ZFR: variants seen among roughly 807,000 people sequenced by gnomAD.
ZFR encodes zinc finger RNA binding protein.
A neutral mutation model predicts 130.7 loss-of-function variants in ZFR; 19 were observed. That is an observed-to-expected ratio of 0.15 (90% CI 0.10 to 0.21). The LOEUF is 0.21. ZFR is among the 10% of genes least tolerant of loss of function. The pLI is 1.00. For synonymous variants in ZFR, 466 were observed against 456.9 expected (o/e 1.02, Z -0.25); for missense variants, 872 against 1,321.5 (o/e 0.66, Z 5.27).
At chr5:32,390,546 G>A (rs765100599) in intron 11 of ZFR, 109 bp from the exon 12 acceptor site, 50 of 1,101,886 alleles carry the variant, frequency 4.5e-5, no homozygotes, top group Non-Finnish European at 6.0e-5. Flanking sequence ...CATCAGCCTA[G>A]CTAAAATTTC....
intron 4 of ZFR, among the ~76,000 whole-genome samples, chr5:32,415,838 C>T (rs372449037): frequency 6.6e-6 from 1 of 152,112 alleles, no homozygotes; most frequent in Non-Finnish European, 1.5e-5. Flanking sequence ...GTCTTAGAAG[C>T]CTTATGACTA....
At chr5:32,425,840 T>C (rs899303948) in intron 2 of ZFR, among the ~76,000 whole-genome samples, 2 of 152,330 alleles carry the variant, frequency 1.3e-5, no homozygotes, top group Non-Finnish European at 2.9e-5. Flanking sequence ...TCTAATATAG[T>C]AAATACCAAT....
At chr5:32,372,354 T>C (rs1752690777) in intron 17 of ZFR, among the ~76,000 whole-genome samples, 1 of 152,128 alleles carries the variant, frequency 6.6e-6, no homozygotes, top group Admixed American at 6.6e-5. Flanking sequence ...GTAACAAACA[T>C]ACTACTCTAG....
intron 2 of ZFR, among the ~76,000 whole-genome samples, chr5:32,442,298 G>C (rs932916351): frequency 6.6e-6 from 1 of 152,162 alleles, no homozygotes; most frequent in Admixed American, 6.5e-5. Context: ...CACAGATGCT[G>C]ATTAGCTATC....
rs377291300 is a variant in ZFR, at chr5:32,403,088, G to A, written c.1516+18C>T. Reference sequence around the variant, plus strand: ...CACTTTGACAGAGTCAGCAGGGACAGAGAATATCAGTACTTGCCAACAAAA... The same window carrying A: ...CACTTTGACAGAGTCAGCAGGGACAAAGAATATCAGTACTTGCCAACAAAA... On this transcript the variant is annotated intron_variant, in intron 8 of 19. Transcript: ENST00000265069. 4.3e-6 allele frequency: 7 copies of A among 1,609,310 alleles called. No individual in the cohort carries two copies. The highest frequency in any genetic ancestry group is 2.7e-5 in the African/African-American group (2 of 74,922).
At chr5:32,364,302 T>C in intron 17 of ZFR, 27 bp from the exon 18 acceptor site, 1 of 1,522,284 alleles carries the variant, frequency 6.6e-7, no homozygotes, top group Non-Finnish European at 8.9e-7. Context: ...AAAATGTGTT[T>C]AACAGCTTAC....
chr5:32,438,892 G>A (rs1388636843), intron 2 of ZFR, among the ~76,000 whole-genome samples: 3 of 152,222 alleles, frequency 2.0e-5, no homozygotes, highest in Middle Eastern at 3.2e-3. Context: ...CTCAAGGCAA[G>A]TCAGGTGAGG....
chr5:32,395,009 G>A lies in ZFR; in HGVS notation c.1979+150C>T, dbSNP rs1032957939. On this transcript the variant is annotated intron_variant, in intron 11 of 19. Transcript: ENST00000265069. Reference sequence around the variant, plus strand: ...ATAGCCAGTAACAATTTTAATGCATGTCTTTCCTAGACCTAGGATCTTCCT... The same window carrying A: ...ATAGCCAGTAACAATTTTAATGCATATCTTTCCTAGACCTAGGATCTTCCT... 11 of 1,110,308 alleles carry A rather than the reference G, an allele frequency of 9.9e-6. No individual in the cohort carries two copies. In the African/African-American group the frequency reaches 1.8e-4, roughly 18 times the overall value. 68.8% of individuals were successfully genotyped at this position (1,110,308 alleles called of 1,614,324 possible). A position where few individuals can be genotyped will look rare whatever the true frequency, so the allele number is the denominator to read the frequency against.
At chr5:32,434,751 T>C (rs1754297414) in intron 2 of ZFR, among the ~76,000 whole-genome samples, 2 of 152,098 alleles carry the variant, frequency 1.3e-5, no homozygotes, top group Admixed American at 1.3e-4. Flanking sequence ...TTTTGAAAAA[T>C]AAGGGAAATG....
intron 17 of ZFR, among the ~76,000 whole-genome samples, chr5:32,377,206 A>C (rs1269704546): frequency 7.3e-6 from 1 of 136,646 alleles, no homozygotes; most frequent in African/African-American, 2.5e-5. Flanking sequence ...CTCTTTCTTT[A>C]TTTCTCTTTC....
At chr5:32,362,437 C>T (rs964739091) in intron 19 of ZFR, among the ~76,000 whole-genome samples, 2 of 152,106 alleles carry the variant, frequency 1.3e-5, no homozygotes, top group East Asian at 1.9e-4. Flanking sequence ...TTAACATGGG[C>T]GCTACAGGCC....
intron 16 of ZFR, 31 bp from the exon 17 acceptor site, chr5:32,379,241 A>C (rs1752888282): frequency 6.4e-7 from 1 of 1,562,168 alleles, no homozygotes; most frequent in Non-Finnish European, 8.8e-7. Flanking sequence ...CAATTGAATT[A>C]ATCTTAGAAA....
At chr5:32,378,227 T>C (rs1752866709) in intron 17 of ZFR, among the ~76,000 whole-genome samples, 1 of 152,192 alleles carries the variant, frequency 6.6e-6, no homozygotes, top group Admixed American at 6.5e-5. Context: ...AAGGATTTAA[T>C]AGCAAAAGAT....
intron 2 of ZFR, among the ~76,000 whole-genome samples, chr5:32,426,536 A>C (rs1754076941): frequency 6.6e-6 from 1 of 152,246 alleles, no homozygotes; most frequent in Non-Finnish European, 1.5e-5. Context: ...ACAAAGCTGC[A>C]TGCTTTTACT....
chr5:32,406,329 A>G (rs1753579630), intron 6 of ZFR, among the ~76,000 whole-genome samples: 1 of 152,216 alleles, frequency 6.6e-6, no homozygotes, highest in South Asian at 2.1e-4. Flanking sequence ...TATAAAGTAT[A>G]TATCAAAGTC....
At chr5:32,403,466 T>C (rs1753513390) in intron 7 of ZFR, 69 bp from the exon 8 acceptor site, 6 of 1,519,354 alleles carry the variant, frequency 3.9e-6, no homozygotes, top group Middle Eastern at 1.8e-4. Context: ...CCTGGAACAT[T>C]ATAAAATGAA....
rs148952823 is a variant in ZFR, at chr5:32,443,794, C to T, written c.137+435G>A. Among the ~76,000 whole-genome samples, 231 of 152,352 alleles carry T rather than the reference C, an allele frequency of 1.5e-3. 1 individual carries two copies. The highest frequency in any genetic ancestry group is 5.4e-3 in the African/African-American group (225 of 41,596). ...ACGAGAAGCCAGTGGACCTGCGACA[C>T]GGCACTCCCCGTGAGGTCCCTTCAG... On this transcript the variant is annotated intron_variant, in intron 2 of 19. Transcript: ENST00000265069.
rs764560160 is a variant in ZFR at position 32,388,668 on chromosome 5, G to C, written c.2149C>G (p.Arg717Gly). 1 of 1,612,156 alleles carries C rather than the reference G, an allele frequency of 6.2e-7. No homozygotes were observed. Among genetic ancestry groups the C allele is most frequent in the Non-Finnish European group, 8.5e-7 (1 of 1,179,014 alleles). Residue 717 changes from arginine to glycine, a missense_variant, in exon 13 of 20, where the codon CGT (arginine) becomes GGT (glycine). This residue lies in a region of ZFR where 225 missense variants were observed against 282.4 expected (regional missense o/e 0.80). Transcript: ENST00000265069. Reference protein sequence around the residue: ...PPQPQGPAPLRRPDSSDDRYV... With the variant: ...PPQPQGPAPLGRPDSSDDRYV... ...CGGTCATCAGATGAGTCAGGACGAC[G>C]TAAGGGCTACAGAGAAACAAAGTTG...
At chr5:32,384,914 G>A (rs969652774) in intron 15 of ZFR, among the ~76,000 whole-genome samples, 2 of 151,928 alleles carry the variant, frequency 1.3e-5, no homozygotes, top group Non-Finnish European at 2.9e-5. Context: ...GTGATATTAG[G>A]GTCAAATGTC....
Sources: gnomAD v4.1 joint callset for allele counts (sites outside exome capture counted in the v4.1 genomes callset) on GRCh38, gnomAD v4.1.1 for gene constraint, gnomAD v4.1.1 regional missense constraint, MANE v1.5 for transcripts, NCBI Gene and HGNC (gene_info 2026-07-23, HGNC 2026-07-21) for gene names.